SCARB2: variants seen among roughly 807,000 people sequenced by gnomAD.
The protein encoded by SCARB2 is scavenger receptor class B member 2.
Under a neutral mutation model 58.6 loss-of-function variants are expected in SCARB2, and 29 were observed. The ratio of observed to expected loss-of-function variants is 0.49; its 90% CI spans 0.37 to 0.67. The LOEUF is 0.67. Ranked by LOEUF, SCARB2 falls within the 30% of genes least tolerant of loss-of-function variation. The pLI is 0.00. For synonymous variants in SCARB2, 195 were observed against 210.1 expected (o/e 0.93, Z 0.62); for missense variants, 488 against 578.5 (o/e 0.84, Z 1.60).
chr4:76,192,245 T>C (rs1450670640), intron 2 of SCARB2: 2 of 152,124 alleles, frequency 1.3e-5, no homozygotes, highest in African/African-American at 2.4e-5. Flanking sequence ...GAGGGAAAGT[T>C]TGCAATGTCT....
chr4:76,163,623 G>A (rs531303039), intron 10 of SCARB2: 1 of 563,824 alleles, frequency 1.8e-6, no homozygotes, highest in East Asian at 3.0e-5. Context: ...GAGGTAAAAT[G>A]TATTCAGAAA....
intron 10 of SCARB2, chr4:76,165,219 T>C (rs755227405): frequency 2.6e-5 from 4 of 152,296 alleles, no homozygotes; most frequent in Non-Finnish European, 5.9e-5. Context: ...ATCCTATAAA[T>C]TGGTAAATAT....
At chr4:76,176,380 C>T in intron 5 of SCARB2, 57 bp downstream of exon 5, 1 of 1,174,042 alleles carries the variant, frequency 8.5e-7, no homozygotes, top group Admixed American at 1.7e-5. Flanking sequence ...TAGAAGTAGA[C>T]ATGTAGTTTA....
At chr4:76,218,503 T>G (rs531393100), upstream of SCARB2, among the ~76,000 whole-genome samples, 2 of 152,322 alleles carry the variant, frequency 1.3e-5, no homozygotes, top group Admixed American at 1.3e-4. Flanking sequence ...GTCTACCGCC[T>G]CCTCCGATCA....
chr4:76,205,182 A>C (rs1489653575), intron 1 of SCARB2, among the ~76,000 whole-genome samples: 20 of 152,088 alleles, frequency 1.3e-4, no homozygotes, highest in Non-Finnish European at 4.4e-5. Flanking sequence ...TTTAAAAATT[A>C]GCCTGGCATG....
chr4:76,209,842 G>A (rs1733003970), intron 1 of SCARB2, among the ~76,000 whole-genome samples: 1 of 152,202 alleles, frequency 6.6e-6, no homozygotes, highest in African/African-American at 2.4e-5. Context: ...GACCTGTGAA[G>A]AGGAAGTCAA....
At chr4:76,167,040 ATT>A (rs561604779) in intron 9 of SCARB2, among the ~76,000 whole-genome samples, 56 of 152,316 alleles carry the variant, frequency 3.7e-4, no homozygotes, top group African/African-American at 1.3e-3. Context: ...CATCCTGTTT[ATT>A]TCACTCAACA....
intron 6 of SCARB2, chr4:76,175,084 A>C (rs1431089929): frequency 6.6e-6 from 1 of 152,652 alleles, no homozygotes; most frequent in African/African-American, 2.4e-5. Context: ...TGAATAACAT[A>C]GGTGGTTTCA....
Position 76,166,551 on chromosome 4 carries a change from G to T in SCARB2, c.1188-250C>A, listed in dbSNP as rs7664889. On this transcript the variant is annotated intron_variant, in intron 9 of 11. Coordinates refer to ENST00000264896, the MANE Select transcript of SCARB2 (RefSeq NM_005506.4). ...GGCAGATTCCTTAAAATGATGACTAGTCTCCTTAGAGTCATCAGGGAAGGC... is the reference window on the plus strand; with the variant it reads ...GGCAGATTCCTTAAAATGATGACTATTCTCCTTAGAGTCATCAGGGAAGGC... 86,772 of 569,482 alleles carry T rather than the reference G, an allele frequency of 0.15. 14,961 individuals carry two copies. Among genetic ancestry groups the T allele is most frequent in the African/African-American group, 0.64 (34,129 of 53,308 alleles). The allele number at this position is 569,482 out of a possible 1,614,324, so 35.3% of individuals were successfully genotyped here. A position where few individuals can be genotyped will look rare whatever the true frequency, so the allele number is the denominator to read the frequency against.
chr4:76,179,836 C>G, intron 3 of SCARB2, 131 bp from the exon 4 acceptor site: 1 of 781,024 alleles, frequency 1.3e-6, no homozygotes, highest in Non-Finnish European at 2.3e-6. Context: ...GCTGAAAAAT[C>G]AGGCAGTGAG....
intron 7 of SCARB2, chr4:76,172,587 T>G (rs1431326591): frequency 2.0e-5 from 3 of 152,152 alleles, no homozygotes; most frequent in African/African-American, 4.8e-5. Context: ...ATAATTCTGA[T>G]GTAAAGCCAG....
chr4:76,223,455 C>T (rs1733343603), intron 1 of SCARB2, among the ~76,000 whole-genome samples: 2 of 152,116 alleles, frequency 1.3e-5, no homozygotes, highest in Non-Finnish European at 2.9e-5. Context: ...CAGCAGAATC[C>T]TGTATAATCC....
chr4:76,192,213 G>A (rs1344498154), intron 2 of SCARB2: 1 of 152,222 alleles, frequency 6.6e-6, no homozygotes, highest in African/African-American at 2.4e-5. Context: ...AGTTTGGAGG[G>A]CTCAGAAGAA....
At chr4:76,228,090 C>CT (rs71659315) in intron 1 of SCARB2, among the ~76,000 whole-genome samples, 88,557 of 150,090 alleles carry the variant, frequency 0.59, 27,647 homozygotes, top group Non-Finnish European at 0.71. Context: ...GCCTGAATAC[C>CT]TTTTTTTTTC....
chr4:76,189,346 G>C (rs1451226594), intron 2 of SCARB2, among the ~76,000 whole-genome samples: 1 of 152,214 alleles, frequency 6.6e-6, no homozygotes, highest in Non-Finnish European at 1.5e-5. Flanking sequence ...AGGTTTAATT[G>C]ACTCACAGCT....
At chr4:76,163,692 T>C in intron 10 of SCARB2, 1 of 403,102 alleles carries the variant, frequency 2.5e-6, no homozygotes, top group East Asian at 5.5e-5. Flanking sequence ...TCCTTAAAAA[T>C]CCAGCTCAGC....
At chr4:76,221,722 A>G (rs914633044) in intron 1 of SCARB2, among the ~76,000 whole-genome samples, 2 of 152,330 alleles carry the variant, frequency 1.3e-5, no homozygotes, top group South Asian at 2.1e-4. Flanking sequence ...ACACGGACAC[A>G]AAGATGGGAA....
chr4:76,223,679 TGAGTA>T (rs974850341), intron 1 of SCARB2, among the ~76,000 whole-genome samples: 7 of 152,112 alleles, frequency 4.6e-5, no homozygotes, highest in South Asian at 2.1e-4. Flanking sequence ...CTATGACCCA[TGAGTA>T]GAGTAAAGTG....
At chr4:76,167,609 G>A (rs1226331017) in intron 9 of SCARB2, among the ~76,000 whole-genome samples, 2 of 151,250 alleles carry the variant, frequency 1.3e-5, no homozygotes, top group African/African-American at 4.9e-5. Flanking sequence ...AGAACTGTAA[G>A]CCAATTAAAT....
Sources: gnomAD v4.1 joint callset for allele counts (sites outside exome capture counted in the v4.1 genomes callset) on GRCh38, gnomAD v4.1.1 for gene constraint, MANE v1.5 for transcripts, NCBI Gene and HGNC (gene_info 2026-07-23, HGNC 2026-07-21) for gene names.